Variants in EVC2 observed in about 807,000 individuals in gnomAD.
EVC2 encodes limbin.
EVC2 carries 148 observed loss-of-function variants against 149.3 expected under a neutral mutation model. The observed-to-expected ratio is 0.99, with a 90% confidence interval of 0.87 to 1.14. EVC2 has a LOEUF of 1.14. EVC2 is among the 50% of genes most tolerant of loss of function. The pLI is 0.00. For missense variants in EVC2, 1,854 were observed against 1,627.3 expected (o/e 1.14, Z -2.40); for synonymous variants, 776 against 649.9 (o/e 1.19, Z -2.95).
At chr4:5,706,357 C>CATAG (rs1218313634) in intron 1 of EVC2, among the ~76,000 whole-genome samples, 6 of 4,026 alleles carry the variant, frequency 1.5e-3, no homozygotes, top group Admixed American at 2.4e-3. Context: ...TAGATAGACA[C>CATAG]ATAGATAGAT....
At chr4:5,594,820 G>C (rs1713222289) in intron 16 of EVC2, among the ~76,000 whole-genome samples, 1 of 151,996 alleles carries the variant, frequency 6.6e-6, no homozygotes, top group Non-Finnish European at 1.5e-5. Context: ...TGAAAACTTT[G>C]AAAAAAATTT....
rs748171113 is a variant in EVC2, at chr4:5,697,746, CT to C, written c.229-100del. The C allele has an allele frequency of 0.047, 37,323 of 801,444 alleles. 283 individuals are homozygous for C. The highest frequency in any genetic ancestry group is 0.13 in the African/African-American group (6,952 of 54,814). The allele number at this position is 801,444 out of a possible 1,614,324, so 49.6% of individuals were successfully genotyped here. On this transcript the variant is annotated intron_variant, in intron 1 of 21. Coordinates refer to ENST00000344408, the MANE Select transcript of EVC2 (RefSeq NM_147127.5). ...ATGACTCACATGGAGAGGACATGCACTTTTTTTTTTTTTTTCTGAGACAGAG... is the reference window on the plus strand; with the variant it reads ...ATGACTCACATGGAGAGGACATGCACTTTTTTTTTTTTTTCTGAGACAGAG...
In EVC2 at chr4:5,548,546, A is replaced by C. The variant is rs112996922; in HGVS notation, c.3420-5334T>G. The stretch of plus-strand genomic sequence containing the variant: ...CTACTATTTACATGCAGTGGAACTC[A>C]ATGTTTATCTGATGCAGAGAGTGTC... On this transcript the variant is annotated intron_variant and NMD_transcript_variant, in intron 21 of 22. Coordinates refer to the EVC2 transcript ENST00000475313. Among the ~76,000 whole-genome samples the C allele has an allele frequency of 1.5e-3, 232 of 151,986 alleles. 4 individuals are homozygous for C. The highest frequency in any genetic ancestry group is 5.0e-4 in the Non-Finnish European group (34 of 68,016).
At chr4:5,654,741 A>C (rs372108235) in intron 9 of EVC2, among the ~76,000 whole-genome samples, 12 of 152,332 alleles carry the variant, frequency 7.9e-5, no homozygotes, top group African/African-American at 2.9e-4. Context: ...GTAAGGACAC[A>C]CTTCCAGGCC....
intron 16 of EVC2, among the ~76,000 whole-genome samples, chr4:5,596,445 T>G (rs1224872968): frequency 6.6e-6 from 1 of 152,094 alleles, no homozygotes; most frequent in Non-Finnish European, 1.5e-5. Context: ...ACAGGGAAAC[T>G]GAACAACCTG....
chr4:5,687,272 G>A (rs1254891847), intron 5 of EVC2, among the ~76,000 whole-genome samples: 5 of 151,968 alleles, frequency 3.3e-5, no homozygotes, highest in African/African-American at 1.2e-4. Context: ...AAAAAGAAAA[G>A]AAAAGAAAAG....
In EVC2 at chr4:5,670,754, T is replaced by G. The variant is rs115593195; in HGVS notation, c.871-5105A>C. On this transcript the variant is annotated intron_variant, in intron 7 of 21. Coordinates refer to ENST00000344408, the MANE Select transcript of EVC2 (RefSeq NM_147127.5). This position sits in a 1 kb window ranked among gnomAD's most constrained non-coding sequence, Gnocchi z 5.2. ...TTCACCATCACCATCAACGCCATCA[T>G]CAGCAGCATCGCCATCAAATTCATT... Among the ~76,000 whole-genome samples the G allele has an allele frequency of 0.039, 5,887 of 151,902 alleles. 138 individuals carry two copies. The highest frequency in any genetic ancestry group is 0.047 in the African/African-American group (1,952 of 41,386).
At chr4:5,571,597 G>A (rs1722649725) in intron 19 of EVC2, among the ~76,000 whole-genome samples, 1 of 152,180 alleles carries the variant, frequency 6.6e-6, no homozygotes. Context: ...GGATGAAGGA[G>A]CAGCAAGAGG....
intron 7 of EVC2, 31 bp from the exon 8 acceptor site, chr4:5,665,680 G>C: frequency 1.9e-6 from 3 of 1,612,354 alleles, no homozygotes; most frequent in Non-Finnish European, 2.5e-6. Context: ...CAGGATTCAT[G>C]TGTGGTCAGA....
intron 1 of EVC2, among the ~76,000 whole-genome samples, chr4:5,698,179 T>C (rs574750999): frequency 5.9e-5 from 9 of 152,296 alleles, no homozygotes; most frequent in African/African-American, 2.2e-4. Context: ...AATGCATTTC[T>C]GGGAGCTGTC....
At chr4:5,659,351 G>A (rs1025248903) in intron 9 of EVC2, among the ~76,000 whole-genome samples, 1 of 149,884 alleles carries the variant, frequency 6.7e-6, no homozygotes, top group Admixed American at 6.7e-5. Flanking sequence ...GAGCATCTAA[G>A]CAGGACCACA....
intron 11 of EVC2, among the ~76,000 whole-genome samples, chr4:5,631,558 G>A (rs996201541): frequency 6.5e-4 from 89 of 137,470 alleles, no homozygotes; most frequent in Non-Finnish European, 8.4e-4. Context: ...TCAAGTTCAC[G>A]CAGTAGACTG....
intron 16 of EVC2, among the ~76,000 whole-genome samples, chr4:5,603,909 A>T (rs958125713): frequency 1.2e-4 from 19 of 152,250 alleles, no homozygotes; most frequent in Non-Finnish European, 2.1e-4. Flanking sequence ...AATCACACCA[A>T]AGAGGAACTG....
chr4:5,586,905 G>T (rs568176167), intron 16 of EVC2, among the ~76,000 whole-genome samples: 3 of 152,106 alleles, frequency 2.0e-5, no homozygotes, highest in South Asian at 2.1e-4. Context: ...TGTCATGGGT[G>T]TGTCCTTAAC....
chr4:5,669,449 A>C (rs758088682), intron 7 of EVC2, among the ~76,000 whole-genome samples: 5 of 152,242 alleles, frequency 3.3e-5, no homozygotes, highest in Admixed American at 6.5e-5. Context: ...TTGTCCCACT[A>C]GAGCTGGACA....
the EVC2 span, among the ~76,000 whole-genome samples, chr4:5,531,463 G>A: frequency 3.9e-5 from 6 of 152,188 alleles, no homozygotes; most frequent in Non-Finnish European, 8.8e-5. Flanking sequence ...CATACAACAG[G>A]AGGTGAGTGA....
intron 21 of EVC2, among the ~76,000 whole-genome samples, chr4:5,548,858 C>A (rs1454394159): frequency 6.6e-6 from 1 of 152,122 alleles, no homozygotes; most frequent in African/African-American, 2.4e-5. Flanking sequence ...GATGACCCTC[C>A]AGGGACAAGC....
chr4:5,634,890 T>G (rs760540275), intron 10 of EVC2, among the ~76,000 whole-genome samples: 15 of 152,100 alleles, frequency 9.9e-5, no homozygotes, highest in Non-Finnish European at 1.6e-4. Context: ...GCCCTGCCTG[T>G]AGGGGCAGCC....
chr4:5,641,254 C>CA (rs999208543), intron 9 of EVC2, among the ~76,000 whole-genome samples: 114 of 150,944 alleles, frequency 7.6e-4, no homozygotes, highest in African/African-American at 1.0e-3. Context: ...AATCCCAGAG[C>CA]AAAAAAAAGG....
Sources: gnomAD v4.1 joint callset for allele counts (sites outside exome capture counted in the v4.1 genomes callset) on GRCh38, gnomAD v4.1.1 for gene constraint, Gnocchi (gnomAD v3.1) non-coding constraint, MANE v1.5 for transcripts, NCBI Gene and HGNC (gene_info 2026-07-23, HGNC 2026-07-21) for gene names.